The following SORCS2 variants were observed in gnomAD, a reference collection of about 807,000 sequenced individuals.
SORCS2 encodes VPS10 domain-containing receptor SorCS2.
Under a neutral mutation model 141.6 loss-of-function variants are expected in SORCS2, and 100 were observed. The observed-to-expected ratio is 0.71, with a 90% CI of 0.60 to 0.83. The LOEUF is 0.83. SORCS2 is among the 40% of genes least tolerant of loss of function. The probability of loss-of-function intolerance (pLI) is 0.00; values close to 1 mark genes in which losing one functional copy is unlikely to be tolerated. For synonymous variants in SORCS2, 789 were observed against 676.9 expected (o/e 1.17, Z -2.57); for missense variants, 1,646 against 1,560.2 (o/e 1.05, Z -0.93).
At chr4:7,194,739 C>G (rs975900711) in intron 1 of SORCS2, among the ~76,000 whole-genome samples, 2 of 152,158 alleles carry the variant, frequency 1.3e-5, no homozygotes, top group African/African-American at 4.8e-5. Flanking sequence ...TGTGAACAAA[C>G]GGTGTGTGCT....
At chr4:7,723,351 C>G (rs2148874412) in intron 18 of SORCS2, among the ~76,000 whole-genome samples, 1 of 152,300 alleles carries the variant, frequency 6.6e-6, no homozygotes, top group Non-Finnish European at 1.5e-5. Flanking sequence ...CCATCCCTAG[C>G]ACGGGCCTCT....
intron 15 of SORCS2, among the ~76,000 whole-genome samples, chr4:7,713,077 C>T (rs1027244620): frequency 6.6e-5 from 10 of 152,038 alleles, no homozygotes; most frequent in African/African-American, 2.4e-4. Flanking sequence ...CAGCCACACT[C>T]GGGGAGTGTG....
At chr4:7,267,066 C>T (rs543615300) in intron 1 of SORCS2, among the ~76,000 whole-genome samples, 1 of 152,026 alleles carries the variant, frequency 6.6e-6, no homozygotes, top group African/African-American at 2.4e-5. Context: ...TCGCTGCAGC[C>T]CCCACAAAGC....
chr4:7,251,678 C>T (rs1029466351), intron 1 of SORCS2, among the ~76,000 whole-genome samples: 6 of 152,132 alleles, frequency 3.9e-5, no homozygotes, highest in Admixed American at 2.0e-4. Context: ...CCAGGCATCA[C>T]GTCTGCATTC....
chr4:7,461,422 C>T (rs10008336), intron 2 of SORCS2, among the ~76,000 whole-genome samples: 1 of 152,170 alleles, frequency 6.6e-6, no homozygotes, highest in Non-Finnish European at 1.5e-5. Context: ...GCGCCAAGGC[C>T]GCCTCTGCAT....
At chr4:7,503,906 TG>T (rs1732123002) in intron 2 of SORCS2, among the ~76,000 whole-genome samples, 1 of 152,150 alleles carries the variant, frequency 6.6e-6, no homozygotes, top group African/African-American at 2.4e-5. Flanking sequence ...GTCGGGGGGC[TG>T]AGGTTTTGGT....
chr4:7,613,426 G>A (rs1718552717), intron 3 of SORCS2, among the ~76,000 whole-genome samples: 1 of 152,194 alleles, frequency 6.6e-6, no homozygotes, highest in Non-Finnish European at 1.5e-5. Context: ...GTCAAGGGAA[G>A]CAGGGTAGGC....
chr4:7,631,596 G>C (rs1434531079), intron 3 of SORCS2, among the ~76,000 whole-genome samples: 1 of 152,144 alleles, frequency 6.6e-6, no homozygotes, highest in Non-Finnish European at 1.5e-5. Context: ...GCCCTGACTA[G>C]TACACCTCTC....
intron 5 of SORCS2, among the ~76,000 whole-genome samples, chr4:7,656,306 C>A (rs571431883): frequency 6.6e-5 from 10 of 152,104 alleles, no homozygotes; most frequent in African/African-American, 2.4e-4. Context: ...ACCCGCCCCC[C>A]ACCCTGCCCT....
At chr4:7,268,574 A>G (rs1367236591) in intron 1 of SORCS2, among the ~76,000 whole-genome samples, 1 of 152,184 alleles carries the variant, frequency 6.6e-6, no homozygotes, top group African/African-American at 2.4e-5. Flanking sequence ...CCGAGGGCCC[A>G]TGTGTGTCCT....
intron 1 of SORCS2, among the ~76,000 whole-genome samples, chr4:7,217,256 C>T (rs1728418423): frequency 6.6e-6 from 1 of 152,204 alleles, no homozygotes. Flanking sequence ...GCCCCACTGC[C>T]ACCCCTCCAT....
intron 2 of SORCS2, among the ~76,000 whole-genome samples, chr4:7,468,787 A>G (rs563474938): frequency 7.6e-4 from 116 of 152,284 alleles, no homozygotes; most frequent in African/African-American, 2.6e-3. Flanking sequence ...TTGAAAGGTG[A>G]GGATGCTCTC....
At chr4:7,409,291 G>T (rs899050725) in intron 2 of SORCS2, among the ~76,000 whole-genome samples, 1 of 152,174 alleles carries the variant, frequency 6.6e-6, no homozygotes, top group Non-Finnish European at 1.5e-5. Flanking sequence ...TGTAGTAAAG[G>T]ACTGGAGTGC....
intron 2 of SORCS2, among the ~76,000 whole-genome samples, chr4:7,445,326 A>G (rs10002553): frequency 0.23 from 34,955 of 151,638 alleles, 5,070 homozygotes; most frequent in African/African-American, 0.42. Context: ...GGACATCCAG[A>G]GGGAAAGCCG....
intron 1 of SORCS2, among the ~76,000 whole-genome samples, chr4:7,387,615 A>G (rs56651533): frequency 0.52 from 71,907 of 137,182 alleles, 20,614 homozygotes; most frequent in Middle Eastern, 0.63. Context: ...ACATGCACAC[A>G]CATACACATT....
chr4:7,415,809 C>A (rs1345334986), intron 2 of SORCS2, among the ~76,000 whole-genome samples: 4 of 152,228 alleles, frequency 2.6e-5, no homozygotes, highest in Admixed American at 1.3e-4. Flanking sequence ...CTGTGCTAGG[C>A]ACTTTGCCAG....
At chr4:7,690,203 ATGAAAGGATGAGTGGG>A (rs1724142147) in intron 11 of SORCS2, among the ~76,000 whole-genome samples, 2 of 147,746 alleles carry the variant, frequency 1.4e-5, no homozygotes, top group African/African-American at 5.1e-5. Flanking sequence ...GGATGAGTGG[ATGAAAGGATGAGTGGG>A]TGGATGGATG....
chr4:7,659,689 G>A (rs1722027795), intron 5 of SORCS2, among the ~76,000 whole-genome samples: 1 of 152,206 alleles, frequency 6.6e-6, no homozygotes. Flanking sequence ...GGGCAAGCGA[G>A]GCTTTCCACC....
chr4:7,682,670 G>A (rs1429927482), intron 9 of SORCS2, 73 bp from the exon 10 acceptor site: 1 of 1,462,886 alleles, frequency 6.8e-7, no homozygotes, highest in Non-Finnish European at 9.3e-7. Context: ...GCAAGGGGCT[G>A]GAGCATGGTG....
Sources: gnomAD v4.1 joint callset for allele counts (sites outside exome capture counted in the v4.1 genomes callset) on GRCh38, gnomAD v4.1.1 for gene constraint, MANE v1.5 for transcripts, NCBI Gene and HGNC (gene_info 2026-07-23, HGNC 2026-07-21) for gene names.